The following PCDHA6 variants were observed in gnomAD, a reference collection of about 807,000 sequenced individuals.
PCDHA6 encodes the protein protocadherin alpha-6.
PCDHA6 carries 55 observed loss-of-function variants against 60.3 expected under a neutral mutation model. The ratio of observed to expected loss-of-function variants is 0.91; its 90% CI spans 0.73 to 1.14. The LOEUF (loss-of-function observed/expected upper bound fraction) is 1.14, where lower values mean the gene tolerates loss of function less well. PCDHA6 is among the 50% of genes most tolerant of loss of function. PCDHA6 has a pLI of 0.00. For missense variants in PCDHA6, 1,327 were observed against 1,256.5 expected, an observed-to-expected ratio of 1.06 and a Z score of -0.85; for synonymous variants, 652 against 557.9, an observed-to-expected ratio of 1.17 and a Z score of -2.38.
intron 3 of PCDHA6, among the ~76,000 whole-genome samples, chr5:141,005,799 T>A (rs1207641244): frequency 7.5e-6 from 1 of 133,220 alleles, no homozygotes; most frequent in African/African-American, 2.8e-5. Context: ...CAAAAACAAC[T>A]CCAAGGAGCC....
intron 1 of PCDHA6, chr5:140,861,213 A>C: frequency 6.0e-6 from 1 of 166,518 alleles, no homozygotes; most frequent in Non-Finnish European, 1.3e-5. Flanking sequence ...ACTAACCAAA[A>C]GAGAGGCATA....
intron 1 of PCDHA6, chr5:140,926,562 C>CT (rs1271947865): frequency 1.6e-5 from 4 of 250,352 alleles, no homozygotes; most frequent in African/African-American, 8.9e-5. Context: ...CAGCCCGCTG[C>CT]TACTGGAGAC....
chr5:140,854,310 T>C (rs2043072998), intron 1 of PCDHA6: 2 of 329,758 alleles, frequency 6.1e-6, no homozygotes, highest in Non-Finnish European at 8.7e-6. Context: ...GTGGAGATGA[T>C]TGATCAATGG....
rs1325390456 is a variant in PCDHA6, at chr5:140,928,073, A to G, written c.2395-50876A>G. 8.7e-6 allele frequency: 14 copies of G among 1,614,066 alleles called. No homozygotes were observed. The highest frequency in any genetic ancestry group is 8.0e-5 in the African/African-American group (6 of 74,934). On this transcript the variant is annotated intron_variant, in intron 1 of 3. Coordinates refer to ENST00000529310, the MANE Select transcript of PCDHA6 (RefSeq NM_018909.4). ...CAGCTGACGGCTTCCTTTGACAACTACTACAGCCTGCTGATTGATGGGCCC... is the reference window on the plus strand; with the variant it reads ...CAGCTGACGGCTTCCTTTGACAACTGCTACAGCCTGCTGATTGATGGGCCC...
intron 1 of PCDHA6, chr5:140,883,493 C>T (rs1554178441): frequency 6.2e-7 from 1 of 1,614,174 alleles, no homozygotes; most frequent in Non-Finnish European, 8.5e-7. Flanking sequence ...CTCATTAGTG[C>T]TGGACAGCGC....
At chr5:140,870,299 C>T (rs62622798) in intron 1 of PCDHA6, 44,120 of 1,614,102 alleles carry the variant, frequency 0.027, 770 homozygotes, top group Admixed American at 0.064. Flanking sequence ...CTGGTGTCCA[C>T]CTTCAAGAAT....
Position 140,829,199 on chromosome 5 carries a change from G to C in PCDHA6, c.1108G>C (p.Ala370Pro), listed in dbSNP as rs1416881170. The change falls in exon 1 of 4, where the codon GCC becomes CCC. Residue 370 changes from alanine to proline, a missense_variant. Transcript: ENST00000529310. ...REDAQFGTVI[A>P]LISVNDLDSG... ...AGACGCTCAATTTGGTACTGTCATC[G>C]CCCTAATTAGCGTGAACGACCTCGA... The C allele has an allele frequency of 6.2e-7, 1 of 1,614,038 alleles. No individual in the cohort carries two copies. Among genetic ancestry groups the C allele is most frequent in the East Asian group, 2.2e-5 (1 of 44,890 alleles).
intron 3 of PCDHA6, among the ~76,000 whole-genome samples, chr5:141,009,289 T>C (rs1474871800): frequency 1.4e-4 from 22 of 152,136 alleles, no homozygotes; most frequent in African/African-American, 5.1e-4. Context: ...ATCCCATTTC[T>C]ATAAAATTTT....
intron 1 of PCDHA6, chr5:140,862,887 G>C (rs781965401): frequency 2.7e-5 from 15 of 562,992 alleles, no homozygotes; most frequent in South Asian, 1.8e-4. Flanking sequence ...GTGCTGGAAC[G>C]ACAACTTTGT....
intron 1 of PCDHA6, among the ~76,000 whole-genome samples, chr5:140,898,461 G>T (rs1393934497): frequency 4.6e-5 from 7 of 152,102 alleles, no homozygotes; most frequent in Non-Finnish European, 8.8e-5. Flanking sequence ...TTTCCCCATT[G>T]CTTGTTTTTC....
intron 1 of PCDHA6, among the ~76,000 whole-genome samples, chr5:140,970,633 A>G (rs2096420540): frequency 6.6e-6 from 1 of 152,210 alleles, no homozygotes; most frequent in Admixed American, 6.5e-5. Context: ...AAAATTTTGT[A>G]CCATAAATAG....
At chr5:140,894,652 A>G (rs578187402) in intron 1 of PCDHA6, among the ~76,000 whole-genome samples, 234 of 151,944 alleles carry the variant, frequency 1.5e-3, no homozygotes, top group African/African-American at 4.9e-3. Flanking sequence ...GAGTCTCTCT[A>G]ATTCTGATTT....
chr5:140,853,887 A>T lies in PCDHA6; in HGVS notation c.2394+23402A>T, dbSNP rs945674058. ...TGACAGTGCAAGTTTCTGTAATTTAAAAAGATGTGGTGGCCTGACACCTGC... is the reference window on the plus strand; with the variant it reads ...TGACAGTGCAAGTTTCTGTAATTTATAAAGATGTGGTGGCCTGACACCTGC... On this transcript the variant is annotated intron_variant, in intron 1 of 3. Transcript: ENST00000529310. 4 of 979,374 alleles carry T rather than the reference A, an allele frequency of 4.1e-6. 1 individual carries two copies. The Admixed American group carries it at 1.9e-4, about 46-fold the overall frequency. 60.7% of individuals were successfully genotyped at this position (979,374 alleles called of 1,614,324 possible).
At chr5:140,941,185 C>CTTTT (rs782102770) in intron 1 of PCDHA6, among the ~76,000 whole-genome samples, 28 of 102,174 alleles carry the variant, frequency 2.7e-4, no homozygotes, top group African/African-American at 6.8e-4. Flanking sequence ...CATCCTGCTT[C>CTTTT]TTTTTTTTTC....
intron 1 of PCDHA6, chr5:140,969,293 C>T: frequency 6.2e-7 from 1 of 1,614,188 alleles, no homozygotes; most frequent in Admixed American, 1.7e-5. Flanking sequence ...TGCTGGGAAC[C>T]TGATTATTCT....
In PCDHA6 at chr5:140,829,158, C is replaced by T; in HGVS notation, c.1067C>T (p.Ser356Phe). ...CCTGAGATAGCACTGACTTCCTTAT[C>T]CTTGCCTGTACGTGAAGACGCTCAA... The part of the protein sequence containing the change: ...NVPEIALTSL[S>F]LPVREDAQFG... Residue 356 changes from serine (S) to phenylalanine (F), a missense_variant, in exon 1 of 4, where the codon TCC (serine) becomes TTC (phenylalanine). By Grantham distance (155) the Ser-to-Phe change is radical. Transcript: ENST00000529310. The T allele has an allele frequency of 6.2e-7, 1 of 1,614,016 alleles. No individual in the cohort carries two copies. The highest frequency in any genetic ancestry group is 2.2e-5 in the East Asian group (1 of 44,882).
chr5:140,850,347 G>T, intron 1 of PCDHA6: 9 of 1,597,856 alleles, frequency 5.6e-6, no homozygotes, highest in Non-Finnish European at 7.7e-6. Flanking sequence ...AACGGCCAGC[G>T]CGAGCATCCC....
chr5:140,877,201 G>T, intron 1 of PCDHA6: 1 of 1,613,830 alleles, frequency 6.2e-7, no homozygotes, highest in South Asian at 1.1e-5. Flanking sequence ...AGGAGGCGCA[G>T]TTAGCGAGTT....
chr5:141,009,482 C>A, intron 3 of PCDHA6, 145 bp from the exon 4 acceptor site: 1 of 1,446,086 alleles, frequency 6.9e-7, no homozygotes, highest in Non-Finnish European at 9.1e-7. Flanking sequence ...TAAACACTTG[C>A]CTTGCCCTCA....
Sources: allele counts gnomAD v4.1 joint callset (sites outside exome capture counted in the v4.1 genomes callset), GRCh38; gene constraint gnomAD v4.1.1; transcripts MANE v1.5; gene names NCBI Gene and HGNC (gene_info 2026-07-23, HGNC 2026-07-21).